Variants in MEMO1 observed in about 807,000 individuals in gnomAD.
MEMO1 encodes mediator of cell motility 1.
MEMO1 carries 6 observed loss-of-function variants against 45.2 expected under a neutral mutation model. That is an observed-to-expected ratio of 0.13 (90% confidence interval 0.07 to 0.26). The LOEUF is 0.26. Among genes scored for constraint, MEMO1 ranks in the 10% least tolerant of loss-of-function variants. MEMO1 has a pLI of 1.00. For missense variants in MEMO1, 184 were observed against 370.5 expected (o/e 0.50, Z 4.13); for synonymous variants, 78 against 124.3 (o/e 0.63, Z 2.48).
intron 7 of MEMO1, among the ~76,000 whole-genome samples, chr2:31,888,439 C>T (rs1394544021): frequency 2.0e-5 from 3 of 151,998 alleles, no homozygotes; most frequent in Non-Finnish European, 4.4e-5. Context: ...CAGGAAAACA[C>T]AAATATCAAT....
At chr2:31,960,842 T>C (rs1667932508) in intron 2 of MEMO1, among the ~76,000 whole-genome samples, 1 of 152,042 alleles carries the variant, frequency 6.6e-6, no homozygotes, top group Non-Finnish European at 1.5e-5. Flanking sequence ...CGCCTCAGCC[T>C]ACCAAAGTGC....
At chr2:31,928,165 T>C (rs1683393463) in intron 4 of MEMO1, among the ~76,000 whole-genome samples, 1 of 152,242 alleles carries the variant, frequency 6.6e-6, no homozygotes, top group Non-Finnish European at 1.5e-5. Flanking sequence ...GGCAAGTTTG[T>C]TTGTAAACAA....
intron 2 of MEMO1, among the ~76,000 whole-genome samples, chr2:32,002,242 T>TACATATATACGTGTATATATACATAC (rs1673467678): frequency 5.6e-5 from 8 of 143,892 alleles, no homozygotes; most frequent in South Asian, 2.2e-4. Context: ...TATATACATA[T>TACATATATACGTGTATATATACATAC]ACATATATAC....
At chr2:32,003,985 A>G (rs547351310) in intron 2 of MEMO1, among the ~76,000 whole-genome samples, 32 of 152,272 alleles carry the variant, frequency 2.1e-4, no homozygotes, top group African/African-American at 7.5e-4. Context: ...CAGGAATTTG[A>G]GACCAGCCTC....
At chr2:31,961,450 A>C (rs1334843072) in intron 2 of MEMO1, among the ~76,000 whole-genome samples, 1 of 151,560 alleles carries the variant, frequency 6.6e-6, no homozygotes. Context: ...TGTCAGGCAC[A>C]CTACTGGGTT....
intron 2 of MEMO1, among the ~76,000 whole-genome samples, chr2:31,970,886 C>T (rs1299260980): frequency 1.3e-5 from 2 of 152,242 alleles, no homozygotes; most frequent in Non-Finnish European, 2.9e-5. Flanking sequence ...CACCTGAAAT[C>T]CCAGCTACGT....
intron 3 of MEMO1, 44 bp downstream of exon 3, chr2:31,943,258 C>G: frequency 7.0e-7 from 1 of 1,436,200 alleles, no homozygotes; most frequent in Middle Eastern, 2.0e-4. Context: ...CAGGGAGACT[C>G]CTTCTCAAAA....
In MEMO1 at chr2:31,917,910, A is replaced by G. The variant is rs1183258989; in HGVS notation, c.437+16T>C. The G allele has an allele frequency of 3.3e-6, 5 of 1,499,768 alleles. No individual in the cohort carries two copies. Among genetic ancestry groups the G allele is most frequent in the South Asian group, 2.4e-5 (2 of 81,688 alleles). The allele number at this position is 1,499,768 out of a possible 1,614,324, so 92.9% of individuals were successfully genotyped here. On this transcript the variant is annotated intron_variant, in intron 6 of 9. Transcript: ENST00000404530. ...GTCTATGATTTCCTGGGGATTTCTT[A>G]TATCAATCAATATACCTTTCCATGG...
intron 6 of MEMO1, among the ~76,000 whole-genome samples, chr2:31,902,236 G>A (rs571602430): frequency 2.0e-5 from 3 of 152,040 alleles, no homozygotes; most frequent in Non-Finnish European, 4.4e-5. Context: ...GGCTCACATG[G>A]TGAAACCCCA....
chr2:31,871,254 C>G (rs753807609), intron 8 of MEMO1, among the ~76,000 whole-genome samples: 1 of 152,138 alleles, frequency 6.6e-6, no homozygotes, highest in Non-Finnish European at 1.5e-5. Flanking sequence ...TAACTAGGGA[C>G]TTAACTGGTT....
Position 31,946,472 on chromosome 2 carries a change from G to T in MEMO1, c.62-3089C>A, listed in dbSNP as rs1259838409. ...ACAGTTACCAAAAAACTTATACAAAGTAATTTCATTATTAACTTAAGGAAA... is the reference window on the plus strand; with the variant it reads ...ACAGTTACCAAAAAACTTATACAAATTAATTTCATTATTAACTTAAGGAAA... On this transcript the variant is annotated intron_variant, in intron 2 of 9. Coordinates refer to ENST00000404530, the MANE Select transcript of MEMO1 (RefSeq NM_001301833.4). 3.3e-5 allele frequency among the ~76,000 whole-genome samples: 5 copies of T among 152,116 alleles called. No homozygotes were observed. In the East Asian group the frequency reaches 9.6e-4, roughly 29 times the overall value.
intron 6 of MEMO1, among the ~76,000 whole-genome samples, chr2:31,897,590 G>A (rs184407821): frequency 5.9e-5 from 9 of 152,226 alleles, no homozygotes; most frequent in African/African-American, 1.2e-4. Context: ...ATGGATATGC[G>A]TTTTGATGTG....
chr2:31,962,785 T>C (rs1668170874), intron 2 of MEMO1, among the ~76,000 whole-genome samples: 1 of 152,170 alleles, frequency 6.6e-6, no homozygotes, highest in African/African-American at 2.4e-5. Context: ...GACAGTTAAT[T>C]TTATGTGTTG....
At chr2:31,899,884 C>T (rs913507651) in intron 6 of MEMO1, among the ~76,000 whole-genome samples, 15 of 152,312 alleles carry the variant, frequency 9.8e-5, no homozygotes, top group African/African-American at 3.4e-4. Context: ...TGAACAGACG[C>T]TTCTCAAAAG....
chr2:31,954,129 G>C (rs1183526615), intron 2 of MEMO1, among the ~76,000 whole-genome samples: 3 of 152,174 alleles, frequency 2.0e-5, no homozygotes, highest in Non-Finnish European at 2.9e-5. Context: ...GGAACAACTA[G>C]TATCTATCTG....
At chr2:32,001,671 GT>G (rs1297492706) in intron 2 of MEMO1, among the ~76,000 whole-genome samples, 1 of 151,918 alleles carries the variant, frequency 6.6e-6, no homozygotes, top group Non-Finnish European at 1.5e-5. Flanking sequence ...CTTCTTAACA[GT>G]AAGCTTTAGC....
intron 2 of MEMO1, among the ~76,000 whole-genome samples, chr2:32,008,516 G>A (rs1457933622): frequency 6.6e-6 from 1 of 152,152 alleles, no homozygotes; most frequent in Non-Finnish European, 1.5e-5. Flanking sequence ...CCCAGGAGGC[G>A]GAGGTTGCAA....
At chr2:31,913,529 T>A (rs894415403) in intron 6 of MEMO1, among the ~76,000 whole-genome samples, 26 of 151,910 alleles carry the variant, frequency 1.7e-4, no homozygotes, top group East Asian at 5.8e-4. Context: ...TTTTTTTTTT[T>A]TTTATTTTTT....
intron 6 of MEMO1, among the ~76,000 whole-genome samples, chr2:31,900,310 G>C (rs1678586784): frequency 6.6e-6 from 1 of 152,162 alleles, no homozygotes. Flanking sequence ...ACTGGATTAA[G>C]AAAATGAGGC....
Sources: gnomAD v4.1 joint callset for allele counts (sites outside exome capture counted in the v4.1 genomes callset) on GRCh38, gnomAD v4.1.1 for gene constraint, MANE v1.5 for transcripts, NCBI Gene and HGNC (gene_info 2026-07-23, HGNC 2026-07-21) for gene names.